The following TRPM6 variants were observed in gnomAD, a reference collection of about 807,000 sequenced individuals.
TRPM6 encodes the protein channel kinase 2.
In TRPM6, 111 loss-of-function variants were observed where a neutral mutation model predicts 247.6. The observed-to-expected ratio is 0.45, with a 90% CI of 0.38 to 0.52. The LOEUF is 0.52. TRPM6 is among the 20% of genes least tolerant of loss of function. The pLI is 0.00. For synonymous variants in TRPM6, 892 were observed against 853.8 expected (o/e 1.04, Z -0.78); for missense variants, 2,126 against 2,421.5 (o/e 0.88, Z 2.56).
chr9:74,850,537 T>C (rs958986465), intron 3 of TRPM6, among the ~76,000 whole-genome samples: 1 of 151,994 alleles, frequency 6.6e-6, no homozygotes, highest in African/African-American at 2.4e-5. Flanking sequence ...CTGGCCAACA[T>C]GGTGAAACCC....
chr9:74,752,655 T>C (rs991062803), intron 28 of TRPM6, among the ~76,000 whole-genome samples: 1 of 152,244 alleles, frequency 6.6e-6, no homozygotes, highest in African/African-American at 2.4e-5. Context: ...TGTCCTCTTA[T>C]AGGACAACAC....
rs1225449331 is a variant in TRPM6, at chr9:74,835,963, A to G, written c.545-1841T>C. Among the ~76,000 whole-genome samples, 11 of 152,096 alleles carry G rather than the reference A, an allele frequency of 7.2e-5. 1 individual carries two copies. Among genetic ancestry groups the G allele is most frequent in the Non-Finnish European group, 7.4e-5 (5 of 67,998 alleles). On this transcript the variant is annotated intron_variant, in intron 5 of 38. Transcript: ENST00000360774. The stretch of plus-strand genomic sequence containing the variant: ...TGACCCTACATTATAGGGTCATGAC[A>G]ATAGAATATCACTATTCTCCATAGT...
At chr9:74,883,733 G>C (rs189468173) in intron 1 of TRPM6, among the ~76,000 whole-genome samples, 102 of 152,194 alleles carry the variant, frequency 6.7e-4, no homozygotes, top group African/African-American at 2.2e-3. Context: ...AGCCAGGCAC[G>C]GTGTCATGTG....
Position 74,788,718 on chromosome 9 carries a change from G to C in TRPM6, c.2563C>G (p.Leu855Val). ...YTMAYLAFLMLFTYTVLVEMQ... is the reference protein window; with the variant it reads ...YTMAYLAFLMVFTYTVLVEMQ... ...TCCACCAACACGGTGTAAGTGAACA[G>C]CATGAGGAATGCCAAATACGCCATC... The change falls in exon 20 of 39, where the codon CTG becomes GTG. Residue 855 changes from leucine (L) to valine (V), a missense_variant. Physicochemically the swap from Leu to Val is conservative, Grantham distance 32. Around this residue, in one of 3 missense-constraint regions of TRPM6, gnomAD observed 1,082 missense variants for 1,307.9 expected, o/e 0.83. Transcript: ENST00000360774. 1 of 1,614,072 alleles carries C rather than the reference G, an allele frequency of 6.2e-7. No individual in the cohort carries two copies. Among genetic ancestry groups the C allele is most frequent in the Non-Finnish European group, 8.5e-7 (1 of 1,179,962 alleles).
intron 28 of TRPM6, among the ~76,000 whole-genome samples, chr9:74,753,044 C>T (rs1228765228): frequency 2.1e-5 from 3 of 141,176 alleles, no homozygotes; most frequent in African/African-American, 8.0e-5. Flanking sequence ...ACCCCGAAGG[C>T]GGAGGTTGCA....
intron 1 of TRPM6, among the ~76,000 whole-genome samples, chr9:74,867,343 G>T (rs1830877664): frequency 6.6e-6 from 1 of 152,158 alleles, no homozygotes; most frequent in South Asian, 2.1e-4. Context: ...ACCTCTAGGA[G>T]TCCTTGGACC....
intron 7 of TRPM6, among the ~76,000 whole-genome samples, chr9:74,822,559 T>A (rs1587544622): frequency 6.6e-6 from 1 of 151,984 alleles, no homozygotes; most frequent in Admixed American, 6.5e-5. Context: ...CTAGACTCTA[T>A]AAACTTTTAA....
rs1829635286 is a variant in TRPM6, at chr9:74,834,080, G to C, written c.587C>G (p.Ser196Cys). 1.9e-6 allele frequency: 3 copies of C among 1,614,136 alleles called. No homozygotes were observed. The East Asian group carries it at 6.7e-5, about 36-fold the overall frequency. ...TGTCCAGATTTTTCTCAAGGAATGA[G>C]AGGAATGGGATTTCAAGGCATCCCC... ...HVGDALKSHS[S>C]HSLRKIWTVG... Residue 196 changes from serine to cysteine, a missense_variant, in exon 6 of 39, where the codon TCT becomes TGT. This residue lies in a region of TRPM6 where 1,082 missense variants were observed against 1,307.9 expected (regional missense o/e 0.83). Coordinates refer to ENST00000360774, the MANE Select transcript of TRPM6 (RefSeq NM_017662.5).
intron 36 of TRPM6, among the ~76,000 whole-genome samples, chr9:74,737,745 ATT>A (rs1825740536): frequency 1.3e-5 from 2 of 152,222 alleles, no homozygotes; most frequent in African/African-American, 4.8e-5. Flanking sequence ...TAAATCTCTT[ATT>A]TAAAACCAAA....
chr9:74,847,737 T>C (rs114548296), intron 3 of TRPM6, among the ~76,000 whole-genome samples: 2,708 of 152,080 alleles, frequency 0.018, 72 homozygotes, highest in African/African-American at 0.061. Flanking sequence ...CTCTAAACCA[T>C]TGTCATTCTT....
chr9:74,777,665 A>C (rs1038117645), intron 23 of TRPM6, among the ~76,000 whole-genome samples: 4 of 152,196 alleles, frequency 2.6e-5, no homozygotes, highest in African/African-American at 9.7e-5. Context: ...ACAGGCCAAG[A>C]GTCCATAGGC....
intron 1 of TRPM6, chr9:74,875,223 C>A (rs764642444): frequency 2.2e-6 from 1 of 455,906 alleles, no homozygotes; most frequent in South Asian, 1.6e-5. Context: ...TGGCCTGCAC[C>A]TTACAGCAAC....
At chr9:74,756,681 CAAAAAAAA>C (rs1217543421) in intron 27 of TRPM6, among the ~76,000 whole-genome samples, 54 of 51,748 alleles carry the variant, frequency 1.0e-3, no homozygotes, top group Middle Eastern at 0.014. Flanking sequence ...CCCGTCTCTA[CAAAAAAAA>C]AAAAAAAAAA....
At chr9:74,781,752 G>A (rs542960809) in intron 23 of TRPM6, among the ~76,000 whole-genome samples, 9 of 151,952 alleles carry the variant, frequency 5.9e-5, no homozygotes, top group South Asian at 2.1e-4. Flanking sequence ...TTCATAATTC[G>A]AACTTACTGC....
chr9:74,770,402 A>T (rs564682039), intron 25 of TRPM6, among the ~76,000 whole-genome samples: 35 of 152,288 alleles, frequency 2.3e-4, no homozygotes, highest in African/African-American at 7.5e-4. Context: ...ATTCTGTTTT[A>T]AAAAAATGCA....
intron 1 of TRPM6, among the ~76,000 whole-genome samples, chr9:74,879,956 T>C (rs151194410): frequency 8.5e-4 from 129 of 152,240 alleles, no homozygotes; most frequent in African/African-American, 2.9e-3. Context: ...TCTTGGGGAA[T>C]GAGTCCCCAA....
At chr9:74,846,185 A>G (rs1234063873) in intron 3 of TRPM6, among the ~76,000 whole-genome samples, 1 of 152,240 alleles carries the variant, frequency 6.6e-6, no homozygotes, top group Non-Finnish European at 1.5e-5. Context: ...GATTCTGCTT[A>G]GCTGCCTAGA....
intron 1 of TRPM6, among the ~76,000 whole-genome samples, chr9:74,873,503 C>T (rs745352539): frequency 1.6e-4 from 24 of 152,256 alleles, no homozygotes; most frequent in Non-Finnish European, 3.2e-4. Context: ...TAAGCACATA[C>T]GAGAATTATG....
At chr9:74,802,296 T>C (rs547942651) in intron 15 of TRPM6, 121 bp from the exon 16 acceptor site, 11 of 911,870 alleles carry the variant, frequency 1.2e-5, no homozygotes, top group Non-Finnish European at 1.8e-5. Context: ...GAGATGGAAA[T>C]AATAATAAGA....
Sources: allele counts gnomAD v4.1 joint callset (sites outside exome capture counted in the v4.1 genomes callset), GRCh38; gene constraint gnomAD v4.1.1; regional missense constraint gnomAD v4.1.1; transcripts MANE v1.5; gene names NCBI Gene and HGNC (gene_info 2026-07-23, HGNC 2026-07-21).